MEGF11: variants seen among roughly 807,000 people sequenced by gnomAD.
The protein encoded by MEGF11 is multiple EGF like domains 11.
Under a neutral mutation model 146.6 loss-of-function variants are expected in MEGF11, and 126 were observed. That is an observed-to-expected ratio of 0.86 (90% CI 0.74 to 1.00). The LOEUF is 1.00. Among genes scored for constraint, MEGF11 ranks in the 50% least tolerant of loss-of-function variants. The pLI is 0.00. For synonymous variants in MEGF11, 532 were observed against 583.4 expected (o/e 0.91, Z 1.27); for missense variants, 1,509 against 1,521.2 (o/e 0.99, Z 0.13).
intron 1 of MEGF11, among the ~76,000 whole-genome samples, chr15:66,144,712 C>T (rs985810699): frequency 3.5e-4 from 54 of 152,170 alleles, no homozygotes; most frequent in African/African-American, 1.3e-3. Context: ...GCCCTGGGCA[C>T]CAACCACCAC....
chr15:65,907,278 T>C (rs2078657888), intron 23 of MEGF11, among the ~76,000 whole-genome samples: 2 of 151,876 alleles, frequency 1.3e-5, no homozygotes, highest in South Asian at 4.2e-4. Context: ...AGTTTTTCTT[T>C]TAAGTTTGCT....
chr15:66,018,449 C>T (rs532478947), intron 5 of MEGF11, among the ~76,000 whole-genome samples: 1 of 152,352 alleles, frequency 6.6e-6, no homozygotes, highest in African/African-American at 2.4e-5. Flanking sequence ...GGCCTGGACT[C>T]AGCCCCGCTG....
intron 5 of MEGF11, among the ~76,000 whole-genome samples, chr15:66,024,119 C>T (rs923844898): frequency 6.6e-6 from 1 of 152,214 alleles, no homozygotes; most frequent in African/African-American, 2.4e-5. Context: ...GAGTGAGGAA[C>T]CAGACTCTGG....
At chr15:65,925,574 C>G (rs2079343498) in intron 13 of MEGF11, among the ~76,000 whole-genome samples, 1 of 152,216 alleles carries the variant, frequency 6.6e-6, no homozygotes, top group Non-Finnish European at 1.5e-5. Flanking sequence ...GCTGTAGTTT[C>G]TGAAGAAGCA....
chr15:65,899,263 G>C (rs2078432849), intron 24 of MEGF11, among the ~76,000 whole-genome samples: 1 of 152,194 alleles, frequency 6.6e-6, no homozygotes, highest in South Asian at 2.1e-4. Context: ...TGCATTTTAT[G>C]AGATCAAGGC....
chr15:66,004,021 C>A (rs560666200), intron 5 of MEGF11, among the ~76,000 whole-genome samples: 23 of 152,308 alleles, frequency 1.5e-4, no homozygotes, highest in African/African-American at 5.5e-4. Flanking sequence ...AGGAACTTTT[C>A]CAGTGGTGAT....
At chr15:66,253,451 C>G (rs2092404764) in intron 1 of MEGF11, among the ~76,000 whole-genome samples, 154 bp downstream of exon 1, 1 of 152,218 alleles carries the variant, frequency 6.6e-6, no homozygotes, top group Admixed American at 6.5e-5. Flanking sequence ...CAGCCGGGAC[C>G]CGGGCAGGGC....
At chr15:65,969,982 T>G (rs1000681269) in intron 8 of MEGF11, among the ~76,000 whole-genome samples, 1 of 151,316 alleles carries the variant, frequency 6.6e-6, no homozygotes, top group Non-Finnish European at 1.5e-5. Flanking sequence ...CATCATGGCC[T>G]CCTTCTTCCC....
At chr15:66,039,833 CGGTGG>C (rs748042387) in intron 5 of MEGF11, among the ~76,000 whole-genome samples, 361 of 18,526 alleles carry the variant, frequency 0.019, 106 homozygotes, top group Non-Finnish European at 0.032. Context: ...GGTCAGGCGG[CGGTGG>C]GGTGACGGTC....
intron 5 of MEGF11, among the ~76,000 whole-genome samples, chr15:66,001,739 G>C (rs1057195860): frequency 2.0e-5 from 3 of 152,168 alleles, no homozygotes; most frequent in Non-Finnish European, 2.9e-5. Flanking sequence ...GGAGATGTAG[G>C]GGGGTAGCTG....
intron 5 of MEGF11, among the ~76,000 whole-genome samples, chr15:65,997,934 G>C (rs1274153681): frequency 1.3e-5 from 2 of 152,104 alleles, no homozygotes; most frequent in Non-Finnish European, 2.9e-5. Flanking sequence ...GCCATGGGAA[G>C]AGCGGGAGGT....
chr15:66,188,744 C>T (rs771017959), intron 1 of MEGF11, among the ~76,000 whole-genome samples: 1 of 152,248 alleles, frequency 6.6e-6, no homozygotes, highest in Non-Finnish European at 1.5e-5. Context: ...AGACAGCCAT[C>T]TGGTGTTTTC....
At chr15:66,221,450 T>C (rs1410286093) in intron 1 of MEGF11, among the ~76,000 whole-genome samples, 2 of 152,004 alleles carry the variant, frequency 1.3e-5, no homozygotes, top group African/African-American at 2.4e-5. Context: ...CTTTGGTATC[T>C]ACAGACCTCA....
intron 5 of MEGF11, among the ~76,000 whole-genome samples, chr15:66,028,849 T>C (rs140872389): frequency 6.6e-6 from 1 of 152,358 alleles, no homozygotes; most frequent in African/African-American, 2.4e-5. Context: ...GAAGGGACTA[T>C]GCAAAACGAA....
intron 5 of MEGF11, among the ~76,000 whole-genome samples, chr15:66,071,478 T>A (rs2085362838): frequency 6.6e-6 from 1 of 152,254 alleles, no homozygotes; most frequent in African/African-American, 2.4e-5. Flanking sequence ...AAGGTGGCCC[T>A]GCTAATCTTT....
At chr15:65,916,503 G>T (rs140454685) in intron 17 of MEGF11, 4 of 669,138 alleles carry the variant, frequency 6.0e-6, no homozygotes, top group African/African-American at 3.6e-5. Context: ...CACAGGTCAG[G>T]CTAGGGTCTA....
intron 1 of MEGF11, among the ~76,000 whole-genome samples, chr15:66,176,447 G>A (rs577412807): frequency 6.6e-6 from 1 of 152,158 alleles, no homozygotes; most frequent in East Asian, 1.9e-4. Context: ...TGTCTGCCAG[G>A]CATACCCTCT....
chr15:66,151,478 CCCAT>C (rs896401224), intron 1 of MEGF11, among the ~76,000 whole-genome samples: 7 of 152,296 alleles, frequency 4.6e-5, no homozygotes, highest in Non-Finnish European at 8.8e-5. Context: ...CAGATCCCTC[CCCAT>C]CTCTGGGCCT....
chr15:66,217,818 T>G (rs2091625019), intron 1 of MEGF11, among the ~76,000 whole-genome samples: 1 of 152,162 alleles, frequency 6.6e-6, no homozygotes, highest in Non-Finnish European at 1.5e-5. Context: ...ACTCCAACTT[T>G]CCCAGGAACC....
Sources: allele counts gnomAD v4.1 joint callset (sites outside exome capture counted in the v4.1 genomes callset), GRCh38; gene constraint gnomAD v4.1.1; transcripts MANE v1.5; gene names NCBI Gene and HGNC (gene_info 2026-07-23, HGNC 2026-07-21).